The following SLIT1 variants were observed in gnomAD, a reference collection of about 807,000 sequenced individuals.
The protein encoded by SLIT1 is slit guidance ligand 1.
Under a neutral mutation model 186.1 loss-of-function variants are expected in SLIT1, and 66 were observed. That is an observed-to-expected ratio of 0.35 (90% CI 0.29 to 0.44). The LOEUF (loss-of-function observed/expected upper bound fraction) is 0.44, where lower values mean the gene tolerates loss of function less well. SLIT1 is among the 20% of genes least tolerant of loss of function. The pLI, the probability that SLIT1 is intolerant of heterozygous loss-of-function variation, is 1.00. For synonymous variants in SLIT1, 761 were observed against 833.8 expected, an observed-to-expected ratio of 0.91 and a Z score of 1.50; for missense variants, 1,638 against 2,037.4, an observed-to-expected ratio of 0.80 and a Z score of 3.77.
At chr10:97,015,337 T>C (rs1282427254) in intron 28 of SLIT1, among the ~76,000 whole-genome samples, 1 of 152,170 alleles carries the variant, frequency 6.6e-6, no homozygotes, top group Non-Finnish European at 1.5e-5. Flanking sequence ...GGTTTCCAGT[T>C]CTGTGCACTG....
chr10:97,012,052 A>G (rs1437709047), intron 30 of SLIT1, among the ~76,000 whole-genome samples: 2 of 148,540 alleles, frequency 1.3e-5, no homozygotes, highest in Non-Finnish European at 3.0e-5. Context: ...TTTTCGGGCT[A>G]TAAGAAATAC....
chr10:97,144,176 C>T (rs537338466), intron 4 of SLIT1, among the ~76,000 whole-genome samples: 1 of 142,710 alleles, frequency 7.0e-6, no homozygotes, highest in Non-Finnish European at 1.5e-5. Context: ...CCAGTCTAGG[C>T]GACAGAGTGA....
In SLIT1 at chr10:97,018,659, C is replaced by T; in HGVS notation, c.2896G>A (p.Asp966Asn). Residue 966 changes from aspartate (D) to asparagine (N), a missense_variant, in exon 28 of 37, where the codon GAC becomes AAC. By Grantham distance (23) the Asp-to-Asn change is conservative. This residue lies in a region of SLIT1 where 1,245 missense variants were observed against 1,535.3 expected (regional missense o/e 0.81). Coordinates refer to ENST00000266058, the MANE Select transcript of SLIT1 (RefSeq NM_003061.3). The stretch of plus-strand genomic sequence containing the variant: ...TCACAGGGGCCACTGGAACAGCTGT[C>T]CAGGGACACCTCACAGTCTCGACCC... ...YKGRDCEVSL[D>N]SCSSGPCENG... The T allele has an allele frequency of 6.3e-7, 1 of 1,591,548 alleles. No homozygotes were observed. The highest frequency in any genetic ancestry group is 1.1e-5 in the South Asian group (1 of 87,154).
At chr10:97,051,500 A>G (rs909882856) in intron 13 of SLIT1, among the ~76,000 whole-genome samples, 20 of 151,626 alleles carry the variant, frequency 1.3e-4, no homozygotes, top group African/African-American at 4.9e-4. Context: ...AATCTACCAT[A>G]TGAACCAGAA....
intron 4 of SLIT1, among the ~76,000 whole-genome samples, chr10:97,122,649 A>G (rs1270241194): frequency 6.6e-6 from 1 of 152,144 alleles, no homozygotes; most frequent in Non-Finnish European, 1.5e-5. Flanking sequence ...ACAAGCCCAG[A>G]GTGGAGTGTG....
chr10:97,149,577 A>G (rs1849854031), intron 4 of SLIT1, among the ~76,000 whole-genome samples: 1 of 151,620 alleles, frequency 6.6e-6, no homozygotes, highest in African/African-American at 2.4e-5. Context: ...GAGAGGTTTG[A>G]TGATGCAGAT....
At chr10:97,087,593 T>G (rs147118828) in intron 4 of SLIT1, among the ~76,000 whole-genome samples, 1 of 152,328 alleles carries the variant, frequency 6.6e-6, no homozygotes, top group East Asian at 1.9e-4. Context: ...AGCACAGCCA[T>G]GCCATGATCC....
rs1848274773 is a variant in SLIT1 at position 96,998,967 on chromosome 10, G to A, written c.*2145C>T. The A allele has an allele frequency of 6.6e-6, 1 of 152,314 alleles. No individual in the cohort carries two copies. The highest frequency in any genetic ancestry group is 2.1e-4 in the South Asian group (1 of 4,834). 9.4% of individuals were successfully genotyped at this position (152,314 alleles called of 1,614,324 possible). On this transcript the variant is annotated 3_prime_UTR_variant, in exon 37 of 37. Coordinates refer to ENST00000266058, the MANE Select transcript of SLIT1 (RefSeq NM_003061.3). Reference sequence around the variant, plus strand: ...TGGGAATTGGCTTCTCCAGGGTGGTGGGGAATGGTGGTGGCCAGGAAAGCT... The same window carrying A: ...TGGGAATTGGCTTCTCCAGGGTGGTAGGGAATGGTGGTGGCCAGGAAAGCT...
At chr10:97,027,486 T>C (rs1012647523) in intron 25 of SLIT1, among the ~76,000 whole-genome samples, 2 of 152,248 alleles carry the variant, frequency 1.3e-5, no homozygotes, top group Non-Finnish European at 2.9e-5. Flanking sequence ...GCTTTCTTGA[T>C]AACAACTGAA....
At chr10:97,164,950 G>T in intron 1 of SLIT1, 60 bp from the exon 2 acceptor site, 1 of 1,358,168 alleles carries the variant, frequency 7.4e-7, no homozygotes, top group Non-Finnish European at 1.1e-6. Flanking sequence ...CCAGGCCAGG[G>T]GCCCTGCTCC....
rs1417652928 is a variant in SLIT1, at chr10:97,068,304, C to T, written c.414-2218G>A. 2.0e-5 allele frequency among the ~76,000 whole-genome samples: 3 copies of T among 152,098 alleles called. No individual in the cohort carries two copies. The highest frequency in any genetic ancestry group is 4.4e-5 in the Non-Finnish European group (3 of 67,996). ...CCCTCCTGGCCATACATCTGCAAGG[C>T]ACCCTTCCCCTCCCGAGCCCAGTTT... On this transcript the variant is annotated intron_variant, in intron 4 of 36. Transcript: ENST00000266058. The surrounding 1 kb of genome is among the most constrained non-coding windows in gnomAD (Gnocchi z 4.2).
intron 4 of SLIT1, chr10:97,153,172 G>A (rs1015650377): frequency 6.6e-6 from 1 of 152,174 alleles, no homozygotes; most frequent in African/African-American, 2.4e-5. Context: ...CAACCCTATT[G>A]TCAAGCTGCT....
At chr10:97,109,073 G>A (rs1271696283) in intron 4 of SLIT1, among the ~76,000 whole-genome samples, 1 of 151,640 alleles carries the variant, frequency 6.6e-6, no homozygotes, top group African/African-American at 2.4e-5. Flanking sequence ...AAAAAGCCAG[G>A]CATGGTGGCT....
chr10:97,119,599 C>G (rs2134685891), intron 4 of SLIT1, among the ~76,000 whole-genome samples: 1 of 151,960 alleles, frequency 6.6e-6, no homozygotes, highest in African/African-American at 2.4e-5. Context: ...TCGGGAGGGT[C>G]TGGGAGGACT....
chr10:97,054,940 G>A (rs531116772), intron 13 of SLIT1, among the ~76,000 whole-genome samples: 7 of 152,266 alleles, frequency 4.6e-5, no homozygotes, highest in South Asian at 2.1e-4. Context: ...ATAACATTCC[G>A]GGCGTGGTGG....
chr10:97,028,795 A>T (rs1361686853), intron 25 of SLIT1, among the ~76,000 whole-genome samples: 1 of 152,232 alleles, frequency 6.6e-6, no homozygotes, highest in East Asian at 1.9e-4. Context: ...AAGGCAATAG[A>T]GTAAAGAATA....
chr10:97,079,211 C>T lies in SLIT1; in HGVS notation c.414-13125G>A, dbSNP rs544038616. 2.2e-4 allele frequency among the ~76,000 whole-genome samples: 33 copies of T among 152,262 alleles called. No individual in the cohort carries two copies. In the Middle Eastern group the frequency reaches 0.01, roughly 47 times the overall value. ...TACCATATGTACCACTTATATAAAGCTCAAAATAGGCAAAACTAATCTATG... is the reference window on the plus strand; with the variant it reads ...TACCATATGTACCACTTATATAAAGTTCAAAATAGGCAAAACTAATCTATG... On this transcript the variant is annotated intron_variant, in intron 4 of 36. Coordinates refer to ENST00000266058, the MANE Select transcript of SLIT1 (RefSeq NM_003061.3).
intron 4 of SLIT1, among the ~76,000 whole-genome samples, chr10:97,145,222 A>G: frequency 6.6e-6 from 1 of 151,996 alleles, no homozygotes; most frequent in Non-Finnish European, 1.5e-5. Context: ...GGTTCAAGCA[A>G]TTCTCCCGCC....
chr10:97,126,014 A>G (rs549556552), intron 4 of SLIT1, among the ~76,000 whole-genome samples: 3 of 152,336 alleles, frequency 2.0e-5, no homozygotes, highest in South Asian at 4.1e-4. Flanking sequence ...TTTCATATGC[A>G]GAGAACATTT....
Sources: gnomAD v4.1 joint callset for allele counts (sites outside exome capture counted in the v4.1 genomes callset) on GRCh38, gnomAD v4.1.1 for gene constraint, gnomAD v4.1.1 regional missense constraint, Gnocchi (gnomAD v3.1) non-coding constraint, MANE v1.5 for transcripts, NCBI Gene and HGNC (gene_info 2026-07-23, HGNC 2026-07-21) for gene names.